Variants in SLC37A1 observed in about 807,000 individuals in gnomAD.
The protein encoded by SLC37A1 is glucose-6-phosphate exchanger SLC37A1.
Under a neutral mutation model 75.3 loss-of-function variants are expected in SLC37A1, and 49 were observed. The observed-to-expected ratio is 0.65, with a 90% CI of 0.52 to 0.83. The LOEUF (loss-of-function observed/expected upper bound fraction) is 0.83. Ranked by LOEUF, SLC37A1 falls within the 40% of genes least tolerant of loss-of-function variation. SLC37A1 has a pLI of 0.00. For synonymous variants in SLC37A1, 268 were observed against 292.1 expected, an observed-to-expected ratio of 0.92 and a Z score of 0.84; for missense variants, 566 against 695.0, an observed-to-expected ratio of 0.81 and a Z score of 2.09.
intron 3 of SLC37A1, among the ~76,000 whole-genome samples, chr21:42,527,658 C>T (rs1393130959): frequency 1.3e-5 from 2 of 152,110 alleles, no homozygotes; most frequent in Non-Finnish European, 2.9e-5. Flanking sequence ...TCGAGAATTC[C>T]CTGTGGGTCA....
chr21:42,556,656 T>C (rs186334062), intron 10 of SLC37A1, among the ~76,000 whole-genome samples: 121 of 152,252 alleles, frequency 7.9e-4, no homozygotes, highest in African/African-American at 2.8e-3. Context: ...CAGATCCCAT[T>C]TGGGGCTCTT....
At chr21:42,559,970 A>G (rs2146970103) in intron 11 of SLC37A1, among the ~76,000 whole-genome samples, 1 of 151,074 alleles carries the variant, frequency 6.6e-6, no homozygotes, top group African/African-American at 2.4e-5. Context: ...AGTGAGGGGG[A>G]GGATGCAGGG....
intron 6 of SLC37A1, among the ~76,000 whole-genome samples, chr21:42,541,162 T>G (rs566005978): frequency 1.3e-5 from 2 of 152,322 alleles, no homozygotes; most frequent in South Asian, 4.1e-4. Flanking sequence ...ACATGTGCAG[T>G]TCACAGTAGG....
At chr21:42,554,910 T>C (rs2055646275) in intron 10 of SLC37A1, among the ~76,000 whole-genome samples, 1 of 152,088 alleles carries the variant, frequency 6.6e-6, no homozygotes, top group Admixed American at 6.5e-5. Flanking sequence ...CATTTTAAAT[T>C]TGAGTTTAAT....
At chr21:42,546,979 A>G in intron 8 of SLC37A1, 124 bp from the exon 9 acceptor site, 1 of 1,130,210 alleles carries the variant, frequency 8.8e-7, no homozygotes. Context: ...TTTAATGTGA[A>G]TCCTGCATAC....
At chr21:42,530,654 A>ACCCACCCC (rs2054940822) in intron 3 of SLC37A1, among the ~76,000 whole-genome samples, 2 of 35,880 alleles carry the variant, frequency 5.6e-5, no homozygotes, top group African/African-American at 1.6e-4. Context: ...ACACACACAC[A>ACCCACCCC]CCCCCTCTGT....
rs552610279 is a variant in SLC37A1 at position 42,572,677 on chromosome 21, C to CAAAAAAAAAAAAA, written c.1424-2139_1424-2127dup. On this transcript the variant is annotated intron_variant, in intron 17 of 19. Coordinates refer to ENST00000352133, the MANE Select transcript of SLC37A1 (RefSeq NM_001320537.2). Reference sequence around the variant, plus strand: ...TAACAGGTTTTCAGCCACACACACACAAAAAAAAAAAAAAGAGTGTGTCCT... The same window carrying CAAAAAAAAAAAAA: ...TAACAGGTTTTCAGCCACACACACACAAAAAAAAAAAAAAAAAAAAAAAAAAAGAGTGTGTCCT... Among the ~76,000 whole-genome samples, 37 of 80,448 alleles carry CAAAAAAAAAAAAA rather than the reference C, an allele frequency of 4.6e-4. 1 individual carries two copies. The highest frequency in any genetic ancestry group is 6.9e-4 in the Non-Finnish European group (25 of 36,266). 52.8% of individuals were successfully genotyped at this position (80,448 alleles called of 152,430 possible). A position where few individuals can be genotyped will look rare whatever the true frequency, so the allele number is the denominator to read the frequency against.
At chr21:42,577,358 G>T (rs2056330304) in intron 18 of SLC37A1, among the ~76,000 whole-genome samples, 1 of 152,212 alleles carries the variant, frequency 6.6e-6, no homozygotes, top group African/African-American at 2.4e-5. Context: ...ATCAACAAAA[G>T]AATGTGCAAC....
intron 2 of SLC37A1, 117 bp downstream of exon 2, chr21:42,518,627 C>A: frequency 8.6e-7 from 1 of 1,166,466 alleles, no homozygotes; most frequent in Non-Finnish European, 1.3e-6. Context: ...AATCACTGAC[C>A]TCACCCATAA....
rs537135751 is a variant in SLC37A1, at chr21:42,560,035, G to A, written c.981+946G>A. Among the ~76,000 whole-genome samples, 3 of 152,304 alleles carry A rather than the reference G, an allele frequency of 2.0e-5. No individual in the cohort carries two copies. The South Asian group carries it at 6.2e-4, about 32-fold the overall frequency. ...GAGAAGCCCTCAGAAGCTGGACCGG[G>A]CTGGTCCTCGGTGGTGCTGCTGGCC... On this transcript the variant is annotated intron_variant, in intron 11 of 19. Transcript: ENST00000352133.
chr21:42,575,585 G>C (rs2056289948), intron 18 of SLC37A1: 1 of 984,984 alleles, frequency 1.0e-6, no homozygotes, highest in Non-Finnish European at 1.2e-6. Flanking sequence ...TAGATGTGCA[G>C]CTGTGAGGGG....
At chr21:42,530,414 C>G (rs1174988053) in intron 3 of SLC37A1, among the ~76,000 whole-genome samples, 4 of 152,128 alleles carry the variant, frequency 2.6e-5, no homozygotes, top group African/African-American at 9.7e-5. Context: ...GGGGGAGAGC[C>G]TGGCTGGTCG....
In SLC37A1 at chr21:42,568,422, C is replaced by T. The variant is rs369558971; in HGVS notation, c.1407C>T (p.Asp469=). Residue 469 remains aspartate (D), a synonymous_variant, in exon 17 of 20, where the codon GAC becomes GAT. Coordinates refer to ENST00000352133, the MANE Select transcript of SLC37A1 (RefSeq NM_001320537.2). ...HALSTVTAII[D]GTGSVGAALG... ...TCTCCACCGTGACGGCCATCATTGA[C>T]GGGACGGGCTCTGTAGGTGCGCAGA... 1.1e-5 allele frequency: 18 copies of T among 1,613,914 alleles called. No homozygotes were observed. Among genetic ancestry groups the T allele is most frequent in the African/African-American group, 1.1e-4 (8 of 74,890 alleles).
At chr21:42,578,675 C>T (rs757088667) in intron 18 of SLC37A1, among the ~76,000 whole-genome samples, 2 of 152,212 alleles carry the variant, frequency 1.3e-5, no homozygotes, top group African/African-American at 2.4e-5. Context: ...ACCTAATTGT[C>T]GCAAACACCT....
chr21:42,537,808 C>T (rs1419610195), intron 5 of SLC37A1, among the ~76,000 whole-genome samples: 2 of 152,224 alleles, frequency 1.3e-5, no homozygotes, highest in African/African-American at 4.8e-5. Flanking sequence ...ACACAGTAAA[C>T]TCATGACTGA....
At chr21:42,526,955 T>A (rs990049274) in intron 3 of SLC37A1, among the ~76,000 whole-genome samples, 1 of 152,208 alleles carries the variant, frequency 6.6e-6, no homozygotes, top group South Asian at 2.1e-4. Flanking sequence ...TACTACTACT[T>A]CTTGTCTTTC....
chr21:42,530,661 CTG>C (rs1369067487), intron 3 of SLC37A1, among the ~76,000 whole-genome samples: 16 of 145,338 alleles, frequency 1.1e-4, no homozygotes, highest in Non-Finnish European at 2.1e-4. Context: ...CACACCCCCT[CTG>C]TGTTGGCTGA....
At chr21:42,505,202 C>T (rs1045308805) in intron 2 of SLC37A1, among the ~76,000 whole-genome samples, 3 of 152,182 alleles carry the variant, frequency 2.0e-5, no homozygotes, top group Non-Finnish European at 4.4e-5. Context: ...CTCCCTCATT[C>T]GATTATTAGG....
chr21:42,535,679 G>T (rs570858913), intron 5 of SLC37A1, 129 bp downstream of exon 5: 2 of 769,574 alleles, frequency 2.6e-6, no homozygotes, highest in Non-Finnish European at 2.2e-6. Flanking sequence ...CTTCCCTGCT[G>T]TTCCCTTCCC....
Sources: gnomAD v4.1 joint callset for allele counts (sites outside exome capture counted in the v4.1 genomes callset) on GRCh38, gnomAD v4.1.1 for gene constraint, MANE v1.5 for transcripts, NCBI Gene and HGNC (gene_info 2026-07-23, HGNC 2026-07-21) for gene names.